Variants in SUCLG2 observed in about 807,000 individuals in gnomAD.
The protein encoded by SUCLG2 is succinate-CoA ligase GDP-forming subunit beta, also known as succinate--CoA ligase [GDP-forming] subunit beta, mitochondrial.
A neutral mutation model predicts 47.9 loss-of-function variants in SUCLG2; 42 were observed. That is an observed-to-expected ratio of 0.88 (90% CI 0.69 to 1.14). The LOEUF is 1.14. Among genes scored for constraint, SUCLG2 ranks in the 50% most tolerant of loss-of-function variants. The pLI is 0.00. For synonymous variants in SUCLG2, 195 were observed against 197.3 expected (o/e 0.99, Z 0.10); for missense variants, 571 against 525.9 (o/e 1.09, Z -0.84).
chr3:67,511,167 CATGAGCCA>C (rs1447650386), intron 6 of SUCLG2, among the ~76,000 whole-genome samples: 2 of 152,138 alleles, frequency 1.3e-5, no homozygotes, highest in Non-Finnish European at 2.9e-5. Context: ...GGATTACAGG[CATGAGCCA>C]CTGCGCCCGG....
In SUCLG2 at chr3:67,495,705, T is replaced by A. The variant is rs1705317379; in HGVS notation, c.1062+93A>T. On this transcript the variant is annotated intron_variant, in intron 9 of 10. Coordinates refer to ENST00000307227, the MANE Select transcript of SUCLG2 (RefSeq NM_003848.4). ...ATCTGGGGCTGCAGAGTACACATAT[T>A]GACTTATCAACTCTCACCAGGAAGA... is the stretch of plus-strand genomic sequence containing the variant. The A allele has an allele frequency of 6.1e-6, 9 of 1,480,672 alleles. No homozygotes were observed. The Admixed American group carries it at 1.6e-4, about 26-fold the overall frequency. The allele number at this position is 1,480,672 out of a possible 1,614,324, so 91.7% of individuals were successfully genotyped here.
At chr3:67,595,083 G>A (rs1281355962) in intron 2 of SUCLG2, among the ~76,000 whole-genome samples, 1 of 152,160 alleles carries the variant, frequency 6.6e-6, no homozygotes, top group East Asian at 1.9e-4. Context: ...TTAGTGACAG[G>A]AGTAAAAACG....
intron 2 of SUCLG2, among the ~76,000 whole-genome samples, chr3:67,588,046 G>A (rs1708068759): frequency 6.6e-6 from 1 of 152,156 alleles, no homozygotes; most frequent in African/African-American, 2.4e-5. Context: ...GTTTTACACA[G>A]ATGTTCAGAC....
intron 10 of SUCLG2, among the ~76,000 whole-genome samples, chr3:67,367,155 A>C (rs1701886339): frequency 6.6e-6 from 1 of 152,202 alleles, no homozygotes; most frequent in Admixed American, 6.5e-5. Context: ...TTAAAGATCT[A>C]AAACTAAGAT....
At chr3:67,441,083 G>C (rs1220358774) in intron 9 of SUCLG2, among the ~76,000 whole-genome samples, 1 of 152,160 alleles carries the variant, frequency 6.6e-6, no homozygotes, top group Non-Finnish European at 1.5e-5. Context: ...TGCAGGACAT[G>C]GATGAAGCTG....
intron 6 of SUCLG2, among the ~76,000 whole-genome samples, chr3:67,512,179 A>G (rs1472144520): frequency 6.6e-6 from 1 of 150,718 alleles, no homozygotes; most frequent in African/African-American, 2.5e-5. Flanking sequence ...CAATAATGTC[A>G]CTCTTATATG....
At chr3:67,570,420 G>C (rs1299614226) in intron 2 of SUCLG2, among the ~76,000 whole-genome samples, 1 of 152,192 alleles carries the variant, frequency 6.6e-6, no homozygotes, top group Non-Finnish European at 1.5e-5. Flanking sequence ...AGGGTGGTCT[G>C]GCTTTTGTCC....
chr3:67,652,715 T>A (rs971122108), intron 1 of SUCLG2, among the ~76,000 whole-genome samples: 1 of 152,188 alleles, frequency 6.6e-6, no homozygotes, highest in Admixed American at 6.5e-5. Context: ...GGAAACAGCA[T>A]GGTGTAACGG....
chr3:67,492,761 T>C (rs184004460), intron 9 of SUCLG2, among the ~76,000 whole-genome samples: 32 of 152,316 alleles, frequency 2.1e-4, no homozygotes, highest in Non-Finnish European at 4.4e-5. Context: ...ATTTCATATA[T>C]ATGATAAAAT....
chr3:67,508,826 A>C lies in SUCLG2; in HGVS notation c.738T>G (p.Gly246=). 6.2e-7 allele frequency: 1 copy of C among 1,605,078 alleles called. No individual in the cohort carries two copies. The highest frequency in any genetic ancestry group is 2.2e-5 in the East Asian group (1 of 44,684). Residue 246 remains glycine (G), a synonymous_variant, in exon 7 of 11, where the codon GGT becomes GGG. Transcript: ENST00000307227. ...TTTTACCTTGTCCTTCTGGAGTTTCACCAAAGGGATTCACTTCCACCTGAG... is the reference window on the plus strand; with the variant it reads ...TTTTACCTTGTCCTTCTGGAGTTTCCCCAAAGGGATTCACTTCCACCTGAG... ...DATQVEVNPF[G]ETPEGQVVCF...
At position 67,576,669 on chromosome 3, in the gene SUCLG2, A is replaced by G. The variant is rs182166320; in HGVS notation, c.226+32786T>C. On this transcript the variant is annotated intron_variant, in intron 2 of 10. Coordinates refer to ENST00000307227, the MANE Select transcript of SUCLG2 (RefSeq NM_003848.4). ...TAAGGAAATAGAAACCTTCTCGAAG[A>G]AACTTACTGAGTGCCACATTTTTCC... is the stretch of plus-strand genomic sequence containing the variant. Among the ~76,000 whole-genome samples the G allele has an allele frequency of 3.2e-4, 49 of 152,332 alleles. 1 individual carries two copies. The South Asian group carries it at 1.0e-2, about 31-fold the overall frequency.
intron 1 of SUCLG2, among the ~76,000 whole-genome samples, chr3:67,642,941 TGTGTGTGTGTGA>T (rs1435334731): frequency 6.6e-6 from 1 of 151,866 alleles, no homozygotes; most frequent in Non-Finnish European, 1.5e-5. Flanking sequence ...TGTGTGTGTG[TGTGTGTGTGTGA>T]GAGAGATGGC....
At chr3:67,571,281 G>C (rs1485197257) in intron 2 of SUCLG2, among the ~76,000 whole-genome samples, 1 of 152,134 alleles carries the variant, frequency 6.6e-6, no homozygotes, top group Non-Finnish European at 1.5e-5. Flanking sequence ...ATGGAGGCCA[G>C]GGATGCTGCT....
rs558819805 is a variant in SUCLG2 at position 67,360,977 on chromosome 3, G to A, written c.1184-209C>T. On this transcript the variant is annotated intron_variant, in intron 10 of 10. Coordinates refer to the SUCLG2 transcript ENST00000493112. ...CGTTTATTGGGAAAACAACGTCATC[G>A]TCTTCTTGGATTGCTGACATTTGGA... Among the ~76,000 whole-genome samples, 50 of 152,202 alleles carry A rather than the reference G, an allele frequency of 3.3e-4. No homozygotes were observed. In the South Asian group the frequency reaches 0.01, roughly 31 times the overall value.
intron 9 of SUCLG2, among the ~76,000 whole-genome samples, chr3:67,409,933 C>T (rs1282112679): frequency 6.6e-6 from 1 of 152,162 alleles, no homozygotes; most frequent in Non-Finnish European, 1.5e-5. Context: ...TTCCTTAAAT[C>T]AAAGTTCTCC....
At chr3:67,474,330 T>C (rs748588725) in intron 9 of SUCLG2, among the ~76,000 whole-genome samples, 1 of 152,176 alleles carries the variant, frequency 6.6e-6, no homozygotes, top group Non-Finnish European at 1.5e-5. Context: ...TTAATTTCTA[T>C]ATATTGAAGA....
At chr3:67,591,005 T>C (rs1242123604) in intron 2 of SUCLG2, among the ~76,000 whole-genome samples, 1 of 152,208 alleles carries the variant, frequency 6.6e-6, no homozygotes, top group Non-Finnish European at 1.5e-5. Context: ...CTAAAAAATA[T>C]CTCATCTCCT....
intron 10 of SUCLG2, among the ~76,000 whole-genome samples, chr3:67,392,019 G>C (rs1702397042): frequency 6.6e-6 from 1 of 152,074 alleles, no homozygotes; most frequent in Non-Finnish European, 1.5e-5. Flanking sequence ...TGATGTTTTT[G>C]TCAGTGCATG....
intron 1 of SUCLG2, among the ~76,000 whole-genome samples, chr3:67,626,188 T>A (rs1048583305): frequency 6.6e-6 from 1 of 151,928 alleles, no homozygotes; most frequent in African/African-American, 2.4e-5. Context: ...GAGACGGGGT[T>A]TCACCGTGTT....
Sources: gnomAD v4.1 joint callset for allele counts (sites outside exome capture counted in the v4.1 genomes callset) on GRCh38, gnomAD v4.1.1 for gene constraint, MANE v1.5 for transcripts, NCBI Gene and HGNC (gene_info 2026-07-23, HGNC 2026-07-21) for gene names.